SGSH: variants seen among roughly 807,000 people sequenced by gnomAD.
SGSH encodes the protein N-sulfoglucosamine sulfohydrolase.
SGSH carries 48 observed loss-of-function variants against 51.0 expected under a neutral mutation model. That is an observed-to-expected ratio of 0.94 (90% CI 0.75 to 1.20). The LOEUF (loss-of-function observed/expected upper bound fraction) is 1.20, where lower values mean the gene tolerates loss of function less well. SGSH is among the 50% of genes most tolerant of loss of function. The pLI, the probability that SGSH is intolerant of heterozygous loss-of-function variation, is 0.00. For synonymous variants in SGSH, 321 were observed against 313.4 expected, an observed-to-expected ratio of 1.02 and a Z score of -0.26; for missense variants, 662 against 717.8, an observed-to-expected ratio of 0.92 and a Z score of 0.89.
At chr17:80,216,934 C>A in intron 2 of SGSH, 98 bp downstream of exon 2, 1 of 1,243,358 alleles carries the variant, frequency 8.0e-7, no homozygotes, top group South Asian at 1.4e-5. Flanking sequence ...GCAACACCCC[C>A]CGGGATCCCA....
downstream of SGSH, chr17:80,201,817 T>A: frequency 6.2e-7 from 1 of 1,614,042 alleles, no homozygotes; most frequent in Middle Eastern, 1.7e-4. This position sits in a 1 kb window ranked among gnomAD's most constrained non-coding sequence, Gnocchi z 5.0. Flanking sequence ...GCCGTGGGGC[T>A]TCTCAGGAGG....
At chr17:80,218,212 G>A (rs1180313767) in intron 1 of SGSH, among the ~76,000 whole-genome samples, 2 of 152,264 alleles carry the variant, frequency 1.3e-5, no homozygotes, top group African/African-American at 4.8e-5. Context: ...CCCAGGGCGC[G>A]TCTAAAGCTC....
intron 2 of SGSH, 31 bp downstream of exon 2, chr17:80,217,001 C>T (rs759883956): frequency 6.5e-7 from 1 of 1,526,868 alleles, no homozygotes; most frequent in Non-Finnish European, 8.8e-7. Context: ...TACTCCCTGC[C>T]CACCCCCTCC....
chr17:80,207,988 G>A (rs2041433694), downstream of SGSH: 1 of 548,376 alleles, frequency 1.8e-6, no homozygotes. Context: ...CCACCACTGG[G>A]GCCTGGGGCC....
At position 80,210,675 on chromosome 17, in the gene SGSH, T is replaced by G; in HGVS notation, c.1286A>C (p.His429Pro). ...CTCCCAGCGCGCCCGGTAGTAGTAA[T>G]GACGGAGGTCCTTGTACCAGCCCGT... ...QPTGWYKDLRHYYYRARWELY... is the reference protein window; with the variant it reads ...QPTGWYKDLRPYYYRARWELY... Residue 429 changes from histidine (H) to proline (P), a missense_variant, in exon 8 of 8, where the codon CAT becomes CCT. His to Pro is a moderately conservative substitution (Grantham distance 77). Transcript: ENST00000326317. The G allele has an allele frequency of 6.2e-7, 1 of 1,614,008 alleles. No homozygotes were observed. Among genetic ancestry groups the G allele is most frequent in the Non-Finnish European group, 8.5e-7 (1 of 1,180,022 alleles).
intron 2 of SGSH, among the ~76,000 whole-genome samples, chr17:80,216,528 C>A (rs1054760274): frequency 2.0e-5 from 3 of 152,118 alleles, no homozygotes; most frequent in Non-Finnish European, 4.4e-5. Context: ...CTTAATGCCC[C>A]GGAACTGTGC....
downstream of SGSH, chr17:80,202,446 C>T (rs374347865): frequency 8.1e-6 from 13 of 1,602,828 alleles, no homozygotes; most frequent in African/African-American, 8.0e-5. Flanking sequence ...GAGCTCGGTG[C>T]GTCCCCAGAG....
downstream of SGSH, chr17:80,202,552 C>T: frequency 6.9e-7 from 1 of 1,459,804 alleles, no homozygotes; most frequent in Non-Finnish European, 9.0e-7. Context: ...AGGAGGGAAG[C>T]CTGCCAAGAT....
In SGSH at chr17:80,210,617, G is replaced by A; in HGVS notation, c.1344C>T (p.Thr448=). The change falls in exon 8 of 8, where the codon ACC becomes ACT. Residue 448 remains threonine (T), a synonymous_variant. Coordinates refer to ENST00000326317, the MANE Select transcript of SGSH (RefSeq NM_000199.5). ...LYDRSRDPHE[T]QNLATDPRFA... is the part of the protein sequence containing the mutation. ...AGCGCGGGTCGGTGGCCAGGTTCTG[G>A]GTCTCGTGGGGGTCCCGGCTCCGGT... is the stretch of plus-strand genomic sequence containing the variant. 1.2e-6 allele frequency: 2 copies of A among 1,613,740 alleles called. No individual in the cohort carries two copies. The highest frequency in any genetic ancestry group is 1.7e-6 in the Non-Finnish European group (2 of 1,179,974).
downstream of SGSH, chr17:80,202,139 G>T (rs201468126): frequency 1.3e-6 from 2 of 1,544,454 alleles, no homozygotes; most frequent in Non-Finnish European, 1.8e-6. Flanking sequence ...GCAGAGGCTC[G>T]TATCTGTGGC....
At chr17:80,214,885 G>C in intron 3 of SGSH, 120 bp from the exon 4 acceptor site, 2 of 1,345,290 alleles carry the variant, frequency 1.5e-6, no homozygotes, top group Admixed American at 3.6e-5. Flanking sequence ...AGCCCAGCCA[G>C]GAGACCCAGG....
downstream of SGSH, chr17:80,202,067 C>T: frequency 8.2e-7 from 1 of 1,224,258 alleles, no homozygotes; most frequent in Non-Finnish European, 1.2e-6. Context: ...AGTGCCAGAG[C>T]AGCTTCTGAG....
chr17:80,215,091 G>T lies in SGSH; in HGVS notation c.297C>A (p.Asn99Lys). ...YGLHQDVHHF[N>K]SFDKVRSLPL... ...GCAGGCTCCGCACCTTGTCGAAGGA[G>T]TTGAAGTGGTGCACGTCCTGGTGCA... Residue 99 changes from asparagine (N) to lysine (K), a missense_variant, in exon 3 of 8, where the codon AAC becomes AAA. Physicochemically the swap from Asn to Lys is moderately conservative, Grantham distance 94. Coordinates refer to ENST00000326317, the MANE Select transcript of SGSH (RefSeq NM_000199.5). 1 of 1,612,458 alleles carries T rather than the reference G, an allele frequency of 6.2e-7. No homozygotes were observed. The highest frequency in any genetic ancestry group is 8.5e-7 in the Non-Finnish European group (1 of 1,179,974).
rs543297521 is a variant in SGSH, at chr17:80,217,038, C to A, written c.243G>T (p.Leu81=). 2 of 1,573,720 alleles carry A rather than the reference C, an allele frequency of 1.3e-6. No homozygotes were observed. The highest frequency in any genetic ancestry group is 3.7e-5 in the Admixed American group (2 of 54,098). ...SPSRASLLTG[L]PQHQNGMYGL... ...CCCGCCCCTTGCACCTCACCTGGGG[C>A]AGGCCAGTGAGGAGGCTGGCGCGGC... Residue 81 remains leucine (L), a synonymous_variant, in exon 2 of 8, where the codon CTG becomes CTT. Coordinates refer to ENST00000326317, the MANE Select transcript of SGSH (RefSeq NM_000199.5).
At position 80,210,081 on chromosome 17, in the gene SGSH, T is replaced by G. The variant is rs1598735521; in HGVS notation, c.*371A>C. ...CTGAAGAGGGCCTCAGGCCTCCCATTTGCAGGTCCCCAAACCAAGCCAGAA... is the reference window on the plus strand; with the variant it reads ...CTGAAGAGGGCCTCAGGCCTCCCATGTGCAGGTCCCCAAACCAAGCCAGAA... On this transcript the variant is annotated 3_prime_UTR_variant, in exon 8 of 8. Transcript: ENST00000326317. 1 of 1,129,134 alleles carries G rather than the reference T, an allele frequency of 8.9e-7. No homozygotes were observed. Among genetic ancestry groups the G allele is most frequent in the Non-Finnish European group, 1.1e-6 (1 of 916,512 alleles). 69.9% of individuals were successfully genotyped at this position (1,129,134 alleles called of 1,614,324 possible).
At chr17:80,215,220 A>C in intron 2 of SGSH, 82 bp from the exon 3 acceptor site, 2 of 989,172 alleles carry the variant, frequency 2.0e-6, no homozygotes, top group Non-Finnish European at 3.1e-6. Flanking sequence ...CGGCCCTCCC[A>C]TCCCCAGGGG....
Position 80,212,750 on chromosome 17 carries a change from C to T in SGSH, c.746-476G>A, listed in dbSNP as rs2041719337. ...AGGGAAATGGCAAAGGTCCTGACCT[C>T]CTGTCGTCCCTGACCCCAAAAGACA... On this transcript the variant is annotated intron_variant, in intron 6 of 7. Transcript: ENST00000326317. The surrounding 1 kb of genome is among the most constrained non-coding windows in gnomAD (Gnocchi z 5.9). 4 of 248,172 alleles carry T rather than the reference C, an allele frequency of 1.6e-5. No homozygotes were observed. 15.4% of individuals were successfully genotyped at this position (248,172 alleles called of 1,614,324 possible).
chr17:80,202,219 C>T (rs753197925), downstream of SGSH: 33 of 1,613,834 alleles, frequency 2.0e-5, no homozygotes, highest in South Asian at 1.4e-4. Flanking sequence ...GCCAAAGTGG[C>T]GACCTCGGGG....
Position 80,213,938 on chromosome 17 carries a change from T to G in SGSH, c.664-53A>C. 2 of 1,529,122 alleles carry G rather than the reference T, an allele frequency of 1.3e-6. No homozygotes were observed. Among genetic ancestry groups the G allele is most frequent in the Non-Finnish European group, 1.8e-6 (2 of 1,124,962 alleles). The allele number at this position is 1,529,122 out of a possible 1,614,324, so 94.7% of individuals were successfully genotyped here. On this transcript the variant is annotated intron_variant, in intron 5 of 7. Transcript: ENST00000326317. This position sits in a 1 kb window ranked among gnomAD's most constrained non-coding sequence, Gnocchi z 4.6. ...TAGAACAGACAGACCGGGGGAGCGGTGTCCAGCCTTCTCCCCGGGGCCTCC... is the reference window on the plus strand; with the variant it reads ...TAGAACAGACAGACCGGGGGAGCGGGGTCCAGCCTTCTCCCCGGGGCCTCC...
Sources: gnomAD v4.1 joint callset for allele counts (sites outside exome capture counted in the v4.1 genomes callset) on GRCh38, gnomAD v4.1.1 for gene constraint, Gnocchi (gnomAD v3.1) non-coding constraint, MANE v1.5 for transcripts, NCBI Gene and HGNC (gene_info 2026-07-23, HGNC 2026-07-21) for gene names.